Variants in ABHD13 observed in about 807,000 individuals in gnomAD.
ABHD13 encodes the protein abhydrolase domain containing 13.
In ABHD13, 7 loss-of-function variants were observed where a neutral mutation model predicts 25.2. That is an observed-to-expected ratio of 0.28 (90% CI 0.16 to 0.52). The LOEUF is 0.52. ABHD13 is among the 20% of genes least tolerant of loss of function. The probability of loss-of-function intolerance (pLI) is 0.96; values close to 1 mark genes in which losing one functional copy is unlikely to be tolerated. For missense variants in ABHD13, 302 were observed against 402.7 expected, an observed-to-expected ratio of 0.75 and a Z score of 2.14; for synonymous variants, 133 against 136.1, an observed-to-expected ratio of 0.98 and a Z score of 0.16.
rs1050469583 is a variant in ABHD13 at position 108,233,656 on chromosome 13, A to T, written c.*3424A>T. ...CAGAGCACAGACATTTATTTTTTAAATTGATAGGGTAGAAAATGAAATGTA... is the reference window on the plus strand; with the variant it reads ...CAGAGCACAGACATTTATTTTTTAATTTGATAGGGTAGAAAATGAAATGTA... On this transcript the variant is annotated 3_prime_UTR_variant, in exon 2 of 2. Transcript: ENST00000375898. 2.4e-5 allele frequency: 4 copies of T among 166,844 alleles called. No individual in the cohort carries two copies. Among genetic ancestry groups the T allele is most frequent in the African/African-American group, 9.6e-5 (4 of 41,550 alleles). The allele number at this position is 166,844 out of a possible 1,614,324, so 10.3% of individuals were successfully genotyped here.
At chr13:108,226,737 A>G (rs187020539) in intron 1 of ABHD13, among the ~76,000 whole-genome samples, 97 of 152,288 alleles carry the variant, frequency 6.4e-4, no homozygotes, top group African/African-American at 2.2e-3. Flanking sequence ...CAGATGGTGC[A>G]TGGTAATTAT....
chr13:108,227,434 T>C (rs1415306747), intron 1 of ABHD13, among the ~76,000 whole-genome samples: 1 of 152,106 alleles, frequency 6.6e-6, no homozygotes, highest in Non-Finnish European at 1.5e-5. Flanking sequence ...TTGCTAAAAT[T>C]AGATGTTAGA....
rs187384181 is a variant in ABHD13 at position 108,232,911 on chromosome 13, A to G, written c.*2679A>G. 1.2e-5 allele frequency: 2 copies of G among 167,032 alleles called. No homozygotes were observed. Among genetic ancestry groups the G allele is most frequent in the African/African-American group, 4.8e-5 (2 of 41,564 alleles). 10.3% of individuals were successfully genotyped at this position (167,032 alleles called of 1,614,324 possible). A position where few individuals can be genotyped will look rare whatever the true frequency, so the allele number is the denominator to read the frequency against. On this transcript the variant is annotated 3_prime_UTR_variant, in exon 2 of 2. Coordinates refer to ENST00000375898, the MANE Select transcript of ABHD13 (RefSeq NM_032859.3). ...AGTAGGATAGAAACAACTAGAAAGG[A>G]AAGTGTGACACAGTTTTTAAATTTA...
intron 1 of ABHD13, among the ~76,000 whole-genome samples, chr13:108,219,428 A>T (rs1017589392): frequency 2.0e-5 from 3 of 152,130 alleles, no homozygotes; most frequent in African/African-American, 4.8e-5. Flanking sequence ...TTGTGTGTTG[A>T]TATTGGATTT....
rs12585558 is a variant in ABHD13 at position 108,233,674 on chromosome 13, G to T, written c.*3442G>T. On this transcript the variant is annotated 3_prime_UTR_variant, in exon 2 of 2. Coordinates refer to ENST00000375898, the MANE Select transcript of ABHD13 (RefSeq NM_032859.3). ...TTTTTAAATTGATAGGGTAGAAAAT[G>T]AAATGTACTTCTGTTTATTCTTAAT... is the stretch of plus-strand genomic sequence containing the variant. The T allele has an allele frequency of 6.0e-6, 1 of 166,570 alleles. No individual in the cohort carries two copies. The highest frequency in any genetic ancestry group is 6.6e-5 in the Admixed American group (1 of 15,238). 10.3% of individuals were successfully genotyped at this position (166,570 alleles called of 1,614,324 possible).
intron 1 of ABHD13, among the ~76,000 whole-genome samples, chr13:108,224,244 G>GTA (rs1415774011): frequency 6.6e-6 from 1 of 152,178 alleles, no homozygotes; most frequent in African/African-American, 2.4e-5. Flanking sequence ...TGTCTCCCGA[G>GTA]TACCTCAAGA....
At chr13:108,228,642 T>G (rs1253302347) in intron 1 of ABHD13, among the ~76,000 whole-genome samples, 1 of 151,892 alleles carries the variant, frequency 6.6e-6, no homozygotes, top group East Asian at 1.9e-4. Flanking sequence ...CCTAGTTTCT[T>G]TAGTTTTTGC....
rs2139018352 is a variant in ABHD13, at chr13:108,233,895, A to G, written c.*3663A>G. 6.0e-6 allele frequency: 1 copy of G among 166,956 alleles called. No homozygotes were observed. Among genetic ancestry groups the G allele is most frequent in the South Asian group, 2.1e-4 (1 of 4,832 alleles). The allele number at this position is 166,956 out of a possible 1,614,324, so 10.3% of individuals were successfully genotyped here. A position where few individuals can be genotyped will look rare whatever the true frequency, so the allele number is the denominator to read the frequency against. On this transcript the variant is annotated 3_prime_UTR_variant, in exon 2 of 2. Coordinates refer to ENST00000375898, the MANE Select transcript of ABHD13 (RefSeq NM_032859.3). Reference sequence around the variant, plus strand: ...ATGTATGAGACACTTTTTTACAAAAAGTGCCGTATATACATATGTAACAGG... The same window carrying G: ...ATGTATGAGACACTTTTTTACAAAAGGTGCCGTATATACATATGTAACAGG...
At chr13:108,228,817 T>C (rs1184321060) in intron 1 of ABHD13, among the ~76,000 whole-genome samples, 2 of 151,784 alleles carry the variant, frequency 1.3e-5, no homozygotes, top group Non-Finnish European at 2.9e-5. Flanking sequence ...TCTTCTACAT[T>C]GAGAAGCAGA....
chr13:108,222,779 A>C (rs1375142048), intron 1 of ABHD13, among the ~76,000 whole-genome samples: 1 of 152,234 alleles, frequency 6.6e-6, no homozygotes, highest in Non-Finnish European at 1.5e-5. Context: ...ACATAAATAA[A>C]ATTTTATATA....
At chr13:108,220,329 A>T (rs898947895) in intron 1 of ABHD13, among the ~76,000 whole-genome samples, 1 of 152,238 alleles carries the variant, frequency 6.6e-6, no homozygotes, top group Non-Finnish European at 1.5e-5. Context: ...AAGAGGGTTT[A>T]CTAACCAAAT....
chr13:108,226,135 C>T (rs909723864), intron 1 of ABHD13, among the ~76,000 whole-genome samples: 14 of 152,092 alleles, frequency 9.2e-5, no homozygotes, highest in East Asian at 5.8e-4. Context: ...CATAGTGGAC[C>T]GTACTGTGCA....
chr13:108,220,509 G>A (rs913906866), intron 1 of ABHD13, among the ~76,000 whole-genome samples: 1 of 152,158 alleles, frequency 6.6e-6, no homozygotes, highest in African/African-American at 2.4e-5. Flanking sequence ...GTTGCCCCAG[G>A]AAAGTCTTAA....
At position 108,229,772 on chromosome 13, in the gene ABHD13, C is replaced by A. The variant is rs867034967; in HGVS notation, c.554C>A (p.Thr185Lys). Residue 185 changes from threonine to lysine, a missense_variant, in exon 2 of 2, where the codon ACA becomes AAA. By Grantham distance (78) the Thr-to-Lys change is moderately conservative. Transcript: ENST00000375898. The surrounding 1 kb of genome is among the most constrained non-coding windows in gnomAD (Gnocchi z 4.7). The part of the protein sequence containing the change: ...YVMTRPDLDK[T>K]KIFLFGRSLG... ...ATGACTAGACCTGACCTTGATAAAA[C>A]AAAAATTTTTCTTTTTGGCCGTTCC... 1 of 1,613,238 alleles carries A rather than the reference C, an allele frequency of 6.2e-7. No homozygotes were observed. Among genetic ancestry groups the A allele is most frequent in the Non-Finnish European group, 8.5e-7 (1 of 1,179,430 alleles).
Position 108,229,715 on chromosome 13 carries a change from A to T in ABHD13, c.497A>T (p.Tyr166Phe). ...GGAGAAGCAAGTGAAGAAGGACTCT[A>T]CTTAGATTCTGAAGCTGTGTTAGAC... ...SEGEASEEGL[Y>F]LDSEAVLDYV... The change falls in exon 2 of 2, where the codon TAC becomes TTC. Residue 166 changes from tyrosine to phenylalanine, a missense_variant. Transcript: ENST00000375898. The surrounding 1 kb of genome is among the most constrained non-coding windows in gnomAD (Gnocchi z 4.7). 2 of 1,613,382 alleles carry T rather than the reference A, an allele frequency of 1.2e-6. No individual in the cohort carries two copies. Among genetic ancestry groups the T allele is most frequent in the Non-Finnish European group, 1.7e-6 (2 of 1,179,530 alleles).
chr13:108,218,817 G>T (rs1029986516), intron 1 of ABHD13, among the ~76,000 whole-genome samples, 158 bp downstream of exon 1: 6 of 151,122 alleles, frequency 4.0e-5, no homozygotes, highest in Admixed American at 2.6e-4. Flanking sequence ...TCCCCTGGGG[G>T]TCGTGCGGGG....
intron 1 of ABHD13, among the ~76,000 whole-genome samples, chr13:108,220,236 T>A (rs2139007870): frequency 6.6e-6 from 1 of 152,304 alleles, no homozygotes; most frequent in East Asian, 1.9e-4. Flanking sequence ...CTTGGAATGA[T>A]TAAAGCAAGC....
intron 1 of ABHD13, among the ~76,000 whole-genome samples, chr13:108,223,571 A>G (rs1879610088): frequency 1.3e-5 from 2 of 152,232 alleles, no homozygotes; most frequent in Non-Finnish European, 2.9e-5. Context: ...GCTCATGGTG[A>G]TAAAGAATAC....
At chr13:108,227,481 A>G (rs12854202) in intron 1 of ABHD13, among the ~76,000 whole-genome samples, 8,802 of 152,172 alleles carry the variant, frequency 0.058, 247 homozygotes, top group East Asian at 0.11. Context: ...AAAGTTCATT[A>G]GTTGAAAATT....
Sources: gnomAD v4.1 joint callset for allele counts (sites outside exome capture counted in the v4.1 genomes callset) on GRCh38, gnomAD v4.1.1 for gene constraint, Gnocchi (gnomAD v3.1) non-coding constraint, MANE v1.5 for transcripts, NCBI Gene and HGNC (gene_info 2026-07-23, HGNC 2026-07-21) for gene names.